The following DHRS9 variants were observed in gnomAD, a reference collection of about 807,000 sequenced individuals.
The protein encoded by DHRS9 is dehydrogenase/reductase 9, also known as dehydrogenase/reductase SDR family member 9.
A neutral mutation model predicts 26.6 loss-of-function variants in DHRS9; 18 were observed. The observed-to-expected ratio is 0.68, with a 90% CI of 0.47 to 1.00. The LOEUF (loss-of-function observed/expected upper bound fraction) is 1.00, where lower values mean the gene tolerates loss of function less well. Ranked by LOEUF, DHRS9 falls within the 50% of genes least tolerant of loss-of-function variation. The pLI, the probability that DHRS9 is intolerant of heterozygous loss-of-function variation, is 0.00. For missense variants in DHRS9, 425 were observed against 378.7 expected, an observed-to-expected ratio of 1.12 and a Z score of -1.01; for synonymous variants, 134 against 141.1, an observed-to-expected ratio of 0.95 and a Z score of 0.36.
chr2:169,088,223 G>A (rs868572134), intron 3 of DHRS9, among the ~76,000 whole-genome samples: 3 of 152,178 alleles, frequency 2.0e-5, no homozygotes, highest in Non-Finnish European at 2.9e-5. Flanking sequence ...CCCTCTATGG[G>A]TGCTGGCTGA....
chr2:169,095,452 T>G, intron 4 of DHRS9, 92 bp from the exon 5 acceptor site: 1 of 954,204 alleles, frequency 1.0e-6, no homozygotes, highest in Non-Finnish European at 1.7e-6. Context: ...TCAGAATAAA[T>G]CCCCTTGTAT....
chr2:169,094,806 C>T (rs532578490), intron 4 of DHRS9, among the ~76,000 whole-genome samples: 9 of 152,158 alleles, frequency 5.9e-5, no homozygotes, highest in Non-Finnish European at 1.2e-4. Flanking sequence ...TTTCCCAATA[C>T]CATGTATTGA....
Position 169,074,520 on chromosome 2 carries a change from C to A in DHRS9, c.-60+4803C>A, listed in dbSNP as rs935432797. ...GGACCAAGGGGCCGTGCAGAGGTAA[C>A]CACAGCTGGCGTAGTGTGGTTGAGG... On this transcript the variant is annotated intron_variant, in intron 1 of 4. Coordinates refer to ENST00000674881, the MANE Select transcript of DHRS9 (RefSeq NM_001376924.1). 5 of 884,854 alleles carry A rather than the reference C, an allele frequency of 5.7e-6. No homozygotes were observed. In the African/African-American group the frequency reaches 9.1e-5, roughly 16 times the overall value. The allele number at this position is 884,854 out of a possible 1,614,324, so 54.8% of individuals were successfully genotyped here.
chr2:169,078,730 G>T (rs1470843263), intron 1 of DHRS9, among the ~76,000 whole-genome samples: 2 of 149,242 alleles, frequency 1.3e-5, no homozygotes, highest in African/African-American at 5.0e-5. Flanking sequence ...GACTACTTCA[G>T]AAATAGCTGT....
Position 169,070,128 on chromosome 2 carries a change from A to T in DHRS9, c.-60+411A>T, listed in dbSNP as rs144161279. Reference sequence around the variant, plus strand: ...AAGCAGCAGATTCTCTGTCAACTGCAGGTCTGATCTGTTTGTCTGTCCGCT... The same window carrying T: ...AAGCAGCAGATTCTCTGTCAACTGCTGGTCTGATCTGTTTGTCTGTCCGCT... On this transcript the variant is annotated intron_variant, in intron 1 of 4. Transcript: ENST00000674881. 348 of 985,454 alleles carry T rather than the reference A, an allele frequency of 3.5e-4. 1 individual carries two copies. In the African/African-American group the frequency reaches 5.9e-3, roughly 17 times the overall value. 61.0% of individuals were successfully genotyped at this position (985,454 alleles called of 1,614,324 possible). A position where few individuals can be genotyped will look rare whatever the true frequency, so the allele number is the denominator to read the frequency against.
Position 169,070,009 on chromosome 2 carries a change from C to G in DHRS9, c.-60+292C>G. 3.6e-6 allele frequency: 3 copies of G among 824,864 alleles called. No individual in the cohort carries two copies. In the South Asian group the frequency reaches 1.7e-4, roughly 46 times the overall value. The allele number at this position is 824,864 out of a possible 1,614,324, so 51.1% of individuals were successfully genotyped here. On this transcript the variant is annotated intron_variant, in intron 1 of 4. Coordinates refer to ENST00000674881, the MANE Select transcript of DHRS9 (RefSeq NM_001376924.1). ...CAATTCATATTTTATTTTCTCTGTG[C>G]CTTCTTGACACTATCTGTGAATCTT...
At chr2:169,087,933 C>T (rs1023713928) in intron 3 of DHRS9, among the ~76,000 whole-genome samples, 3 of 152,136 alleles carry the variant, frequency 2.0e-5, no homozygotes, top group Non-Finnish European at 2.9e-5. Flanking sequence ...TCTCCAAGAG[C>T]TGTGGGCTGC....
At chr2:169,067,282 C>T, upstream of DHRS9, 2 of 1,534,716 alleles carry the variant, frequency 1.3e-6, no homozygotes, top group African/African-American at 1.4e-5. Flanking sequence ...GTGCTTTCCT[C>T]CAGTTGAAGC....
At chr2:169,085,192 A>G (rs1396311227) in intron 3 of DHRS9, among the ~76,000 whole-genome samples, 1 of 152,120 alleles carries the variant, frequency 6.6e-6, no homozygotes, top group Non-Finnish European at 1.5e-5. Context: ...CCATTGGTCT[A>G]TGTGTCCATT....
At chr2:169,091,367 T>C (rs996464174) in intron 3 of DHRS9, among the ~76,000 whole-genome samples, 5 of 152,216 alleles carry the variant, frequency 3.3e-5, no homozygotes, top group African/African-American at 1.2e-4. Context: ...CTTCAGCACA[T>C]CCTCATTTGT....
chr2:169,076,805 C>T (rs1683975930), intron 1 of DHRS9, among the ~76,000 whole-genome samples: 1 of 152,146 alleles, frequency 6.6e-6, no homozygotes, highest in Admixed American at 6.5e-5. Context: ...GAAGCCTTAC[C>T]AAAAACATAG....
At chr2:169,093,428 T>G (rs1558957141) in intron 4 of DHRS9, among the ~76,000 whole-genome samples, 2 of 152,240 alleles carry the variant, frequency 1.3e-5, no homozygotes, top group Non-Finnish European at 2.9e-5. Flanking sequence ...AACATCTTAG[T>G]GCTGACATGC....
intron 3 of DHRS9, among the ~76,000 whole-genome samples, chr2:169,090,626 G>C (rs568842719): frequency 6.6e-6 from 1 of 152,220 alleles, no homozygotes; most frequent in African/African-American, 2.4e-5. Flanking sequence ...TTATGGTGAA[G>C]AGTTTTATAA....
chr2:169,082,131 A>C (rs1014229123), intron 2 of DHRS9, among the ~76,000 whole-genome samples: 17 of 152,292 alleles, frequency 1.1e-4, no homozygotes, highest in African/African-American at 3.8e-4. Flanking sequence ...GGGTGAATTC[A>C]GGGCTGAGAT....
intron 4 of DHRS9, among the ~76,000 whole-genome samples, chr2:169,092,864 A>T (rs1684574776): frequency 6.6e-6 from 1 of 152,146 alleles, no homozygotes; most frequent in African/African-American, 2.4e-5. Flanking sequence ...ATCCCCCAAA[A>T]AACTCTTATT....
intron 1 of DHRS9, among the ~76,000 whole-genome samples, chr2:169,072,016 T>G (rs1207325838): frequency 6.6e-6 from 1 of 151,886 alleles, no homozygotes; most frequent in Non-Finnish European, 1.5e-5. Flanking sequence ...GGGTTTTTTT[T>G]TTTTTTTTAA....
chr2:169,084,589 A>G (rs1297017773), intron 3 of DHRS9, among the ~76,000 whole-genome samples: 1 of 152,176 alleles, frequency 6.6e-6, no homozygotes, highest in Non-Finnish European at 1.5e-5. Context: ...TCTGATGATC[A>G]ATGATGTTGA....
intron 3 of DHRS9, among the ~76,000 whole-genome samples, chr2:169,084,460 G>C (rs933405694): frequency 1.3e-5 from 2 of 152,104 alleles, no homozygotes; most frequent in African/African-American, 4.8e-5. Context: ...CCCACCAATA[G>C]TGTACGAGGA....
At chr2:169,091,060 A>AT (rs998490015) in intron 3 of DHRS9, among the ~76,000 whole-genome samples, 16 of 152,022 alleles carry the variant, frequency 1.1e-4, no homozygotes, top group Non-Finnish European at 4.4e-5. Flanking sequence ...TATTAGATGC[A>AT]TTTTTTGACA....
Sources: allele counts gnomAD v4.1 joint callset (sites outside exome capture counted in the v4.1 genomes callset), GRCh38; gene constraint gnomAD v4.1.1; transcripts MANE v1.5; gene names NCBI Gene and HGNC (gene_info 2026-07-23, HGNC 2026-07-21).